The following TRHDE variants were observed in gnomAD, a reference collection of about 807,000 sequenced individuals.
TRHDE encodes the protein thyrotropin releasing hormone degrading enzyme, also known as thyrotropin-releasing hormone-degrading ectoenzyme.
Under a neutral mutation model 125.7 loss-of-function variants are expected in TRHDE, and 72 were observed. The ratio of observed to expected loss-of-function variants is 0.57; its 90% CI spans 0.47 to 0.70. TRHDE has a LOEUF of 0.70. TRHDE is among the 30% of genes least tolerant of loss of function. The pLI is 0.00. For synonymous variants in TRHDE, 509 were observed against 509.1 expected, an observed-to-expected ratio of 1.00 and a Z score of 0.00; for missense variants, 1,110 against 1,327.1, an observed-to-expected ratio of 0.84 and a Z score of 2.54.
intron 2 of TRHDE, among the ~76,000 whole-genome samples, chr12:72,337,783 C>T (rs1869895196): frequency 6.6e-6 from 1 of 151,160 alleles, no homozygotes; most frequent in Admixed American, 6.6e-5. Context: ...TCCTAATATG[C>T]ATCTCTGAAA....
At chr12:72,225,355 A>G (rs1333137366) in intron 2 of TRHDE, among the ~76,000 whole-genome samples, 1 of 152,176 alleles carries the variant, frequency 6.6e-6, no homozygotes, top group Non-Finnish European at 1.5e-5. Flanking sequence ...ATTTATCACC[A>G]TTATGTATAA....
intron 3 of TRHDE, among the ~76,000 whole-genome samples, chr12:72,426,931 T>C (rs1043771348): frequency 2.0e-5 from 3 of 152,120 alleles, no homozygotes; most frequent in Non-Finnish European, 4.4e-5. Flanking sequence ...TTCATCTTAA[T>C]CATTCTTACT....
intron 2 of TRHDE, among the ~76,000 whole-genome samples, chr12:72,353,898 C>T (rs907255886): frequency 4.3e-5 from 5 of 117,282 alleles, no homozygotes; most frequent in African/African-American, 1.3e-4. Flanking sequence ...ATTGAGTATG[C>T]TAATCCTGAT....
intron 6 of TRHDE, among the ~76,000 whole-genome samples, chr12:72,524,218 T>C (rs1019906216): frequency 6.6e-6 from 1 of 152,182 alleles, no homozygotes; most frequent in African/African-American, 2.4e-5. Context: ...ATCCTCTCCG[T>C]AAACTCTCCC....
intron 5 of TRHDE, among the ~76,000 whole-genome samples, chr12:72,490,992 C>CAAAAAAAA (rs71438815): frequency 8.4e-6 from 1 of 119,352 alleles, no homozygotes; most frequent in Non-Finnish European, 1.9e-5. Flanking sequence ...GCCACAAAAC[C>CAAAAAAAA]AAAAAAAAAA....
chr12:72,560,562 C>T (rs1870128835), intron 7 of TRHDE: 1 of 152,126 alleles, frequency 6.6e-6, no homozygotes, highest in Non-Finnish European at 1.5e-5. Context: ...TGGCTAAGGC[C>T]TGTAATCGCA....
At chr12:72,432,327 G>A (rs775018695) in intron 3 of TRHDE, among the ~76,000 whole-genome samples, 3 of 152,148 alleles carry the variant, frequency 2.0e-5, no homozygotes, top group Admixed American at 1.3e-4. Flanking sequence ...GCACAATGCC[G>A]AAAACCTGGA....
At chr12:72,321,044 G>C (rs926225543) in intron 2 of TRHDE, among the ~76,000 whole-genome samples, 1 of 152,148 alleles carries the variant, frequency 6.6e-6, no homozygotes, top group African/African-American at 2.4e-5. Flanking sequence ...CCATAGTGTA[G>C]AAAAGGAATC....
intron 2 of TRHDE, among the ~76,000 whole-genome samples, chr12:72,346,997 T>C (rs1397614182): frequency 1.3e-5 from 2 of 152,050 alleles, no homozygotes; most frequent in Non-Finnish European, 2.9e-5. Context: ...GTGTTCTCTG[T>C]GTGTATGTGT....
intron 3 of TRHDE, among the ~76,000 whole-genome samples, chr12:72,389,112 A>C (rs1439497852): frequency 6.6e-6 from 1 of 152,114 alleles, no homozygotes; most frequent in Non-Finnish European, 1.5e-5. Context: ...GATAACTGCT[A>C]TAAAGAAAAT....
chr12:72,183,132 A>G (rs1877128214), intron 2 of TRHDE, among the ~76,000 whole-genome samples: 1 of 152,216 alleles, frequency 6.6e-6, no homozygotes, highest in African/African-American at 2.4e-5. Flanking sequence ...CTATTACTTA[A>G]CTTGGATGAA....
intron 2 of TRHDE, among the ~76,000 whole-genome samples, chr12:72,219,590 G>T (rs1877962814): frequency 6.6e-6 from 1 of 152,064 alleles, no homozygotes; most frequent in African/African-American, 2.4e-5. Flanking sequence ...CACATGACAG[G>T]CCTATTGCTA....
intron 3 of TRHDE, among the ~76,000 whole-genome samples, chr12:72,456,604 T>C (rs1200293764): frequency 1.3e-5 from 2 of 152,106 alleles, no homozygotes; most frequent in African/African-American, 4.8e-5. Context: ...CTCTATTAAC[T>C]GTGGTGGTAG....
Position 72,242,953 on chromosome 12 carries a change from T to C in TRHDE, n.280-135042T>C, listed in dbSNP as rs140680790. ...TCTGGTTAAAGAGATATGAAGGAAATCCTATTGGGAGCAGTCTCTGCAAAG... is the reference window on the plus strand; with the variant it reads ...TCTGGTTAAAGAGATATGAAGGAAACCCTATTGGGAGCAGTCTCTGCAAAG... On this transcript the variant is annotated intron_variant and non_coding_transcript_variant, in intron 2 of 4. Coordinates refer to the TRHDE transcript ENST00000548156. Among the ~76,000 whole-genome samples, 69 of 152,160 alleles carry C rather than the reference T, an allele frequency of 4.5e-4. No individual in the cohort carries two copies. The South Asian group carries it at 0.014, about 31-fold the overall frequency.
intron 2 of TRHDE, among the ~76,000 whole-genome samples, chr12:72,190,273 G>A (rs528238773): frequency 6.6e-6 from 1 of 152,266 alleles, no homozygotes; most frequent in South Asian, 2.1e-4. Context: ...GCCTCATGAA[G>A]CGTTTTCTAT....
intron 3 of TRHDE, among the ~76,000 whole-genome samples, chr12:72,465,803 G>A (rs1876345122): frequency 6.6e-6 from 1 of 152,090 alleles, no homozygotes; most frequent in Non-Finnish European, 1.5e-5. Flanking sequence ...CTCCATAGTT[G>A]CTTCAACAAA....
intron 2 of TRHDE, among the ~76,000 whole-genome samples, chr12:72,169,189 G>A (rs1049445091): frequency 1.3e-5 from 2 of 151,434 alleles, no homozygotes; most frequent in African/African-American, 2.4e-5. Context: ...ACAAACCAGT[G>A]GAAGTTTCAG....
At chr12:72,292,678 C>T (rs1345924288) in intron 2 of TRHDE, among the ~76,000 whole-genome samples, 1 of 152,218 alleles carries the variant, frequency 6.6e-6, no homozygotes, top group African/African-American at 2.4e-5. Context: ...CTCTCACCAA[C>T]AGCCTCCTCA....
At chr12:72,657,899 A>G (rs2136114206) in intron 18 of TRHDE, among the ~76,000 whole-genome samples, 1 of 152,214 alleles carries the variant, frequency 6.6e-6, no homozygotes, top group East Asian at 1.9e-4. Context: ...TGACATTGAG[A>G]ATGATGGTTT....
Sources: gnomAD v4.1 joint callset for allele counts (sites outside exome capture counted in the v4.1 genomes callset) on GRCh38, gnomAD v4.1.1 for gene constraint, MANE v1.5 for transcripts, NCBI Gene and HGNC (gene_info 2026-07-23, HGNC 2026-07-21) for gene names.